Variants in GLG1 observed in about 807,000 individuals in gnomAD.
GLG1 encodes Golgi apparatus protein 1.
In GLG1, 38 loss-of-function variants were observed where a neutral mutation model predicts 160.5. The ratio of observed to expected loss-of-function variants is 0.24; its 90% CI spans 0.18 to 0.31. GLG1 has a LOEUF of 0.31. Among genes scored for constraint, GLG1 ranks in the 10% least tolerant of loss-of-function variants. The probability of loss-of-function intolerance (pLI) is 1.00; values close to 1 mark genes in which losing one functional copy is unlikely to be tolerated. For synonymous variants in GLG1, 644 were observed against 543.4 expected (o/e 1.19, Z -2.57); for missense variants, 1,373 against 1,505.2 (o/e 0.91, Z 1.45).
intron 2 of GLG1, 152 bp downstream of exon 2, chr16:74,531,969 T>A: frequency 2.6e-6 from 1 of 391,732 alleles, no homozygotes; most frequent in East Asian, 3.7e-5. Context: ...GGTTATTTGT[T>A]GATTTTACCA....
intron 1 of GLG1, among the ~76,000 whole-genome samples, chr16:74,599,264 G>A (rs1281041863): frequency 1.3e-5 from 2 of 152,102 alleles, no homozygotes; most frequent in Non-Finnish European, 2.9e-5. Context: ...TCATGACCTG[G>A]ACTGAAAACA....
chr16:74,474,166 C>G (rs986859263), intron 13 of GLG1: 5 of 161,324 alleles, frequency 3.1e-5, no homozygotes, highest in African/African-American at 1.2e-4. Flanking sequence ...GTTTGGCAAG[C>G]TGGTCTCGAA....
chr16:74,499,366 A>G (rs4506928), intron 4 of GLG1, among the ~76,000 whole-genome samples: 143,490 of 152,254 alleles, frequency 0.94, 67,837 homozygotes, highest in East Asian at 1. Flanking sequence ...TCAGCCTCCC[A>G]AGCAGCTGGG....
chr16:74,562,029 T>C (rs1442042922), intron 1 of GLG1, among the ~76,000 whole-genome samples: 1 of 152,240 alleles, frequency 6.6e-6, no homozygotes, highest in East Asian at 1.9e-4. Flanking sequence ...TTCATTCAAC[T>C]GTCATTTTCA....
chr16:74,544,531 G>C (rs1232442050), intron 1 of GLG1, among the ~76,000 whole-genome samples: 3 of 151,666 alleles, frequency 2.0e-5, no homozygotes, highest in Admixed American at 6.6e-5. Context: ...TTTTGAAATG[G>C]AGTCTCACTC....
At chr16:74,559,844 A>C in intron 1 of GLG1, among the ~76,000 whole-genome samples, 1 of 152,206 alleles carries the variant, frequency 6.6e-6, no homozygotes, top group East Asian at 1.9e-4. Context: ...CCTAAAACAT[A>C]ATTTTATTTT....
rs1008450255 is a variant in GLG1, at chr16:74,486,033, T to C, written c.1450-116A>G. The C allele has an allele frequency of 2.1e-5, 15 of 713,604 alleles. No homozygotes were observed. The African/African-American group carries it at 2.2e-4, about 10-fold the overall frequency. The allele number at this position is 713,604 out of a possible 1,614,324, so 44.2% of individuals were successfully genotyped here. On this transcript the variant is annotated intron_variant, in intron 8 of 25. Coordinates refer to ENST00000422840, the MANE Select transcript of GLG1 (RefSeq NM_001145667.2). ...TTTACCACAATGTACTCCAATAAAGTTGTCTACAGTTGTCACTAGCCAAGC... is the reference window on the plus strand; with the variant it reads ...TTTACCACAATGTACTCCAATAAAGCTGTCTACAGTTGTCACTAGCCAAGC...
At chr16:74,535,812 T>C (rs899048601) in intron 1 of GLG1, among the ~76,000 whole-genome samples, 1 of 152,182 alleles carries the variant, frequency 6.6e-6, no homozygotes, top group African/African-American at 2.4e-5. Context: ...GTTATGATGT[T>C]AGGTCTTTGA....
At chr16:74,477,856 C>G (rs898066352) in intron 11 of GLG1, among the ~76,000 whole-genome samples, 1 of 151,962 alleles carries the variant, frequency 6.6e-6, no homozygotes, top group Non-Finnish European at 1.5e-5. Flanking sequence ...GCCTGTAATC[C>G]TAGCTACTCG....
intron 1 of GLG1, among the ~76,000 whole-genome samples, chr16:74,545,517 G>A (rs540073011): frequency 3.3e-5 from 5 of 152,320 alleles, no homozygotes; most frequent in African/African-American, 9.6e-5. Flanking sequence ...AGAAAAGTAT[G>A]TGTGGAATTT....
intron 1 of GLG1, among the ~76,000 whole-genome samples, chr16:74,595,965 A>T (rs573556429): frequency 1.3e-5 from 2 of 151,790 alleles, no homozygotes; most frequent in South Asian, 4.2e-4. Context: ...CTCTATTAAA[A>T]ATATAAAATT....
intron 2 of GLG1, among the ~76,000 whole-genome samples, chr16:74,515,727 T>C (rs2016957514): frequency 6.6e-6 from 1 of 151,648 alleles, no homozygotes; most frequent in Non-Finnish European, 1.5e-5. Flanking sequence ...AGGGGCTAAA[T>C]GCTCCAATTA....
intron 1 of GLG1, among the ~76,000 whole-genome samples, chr16:74,579,594 C>T (rs542563428): frequency 6.6e-6 from 1 of 152,022 alleles, no homozygotes; most frequent in South Asian, 2.1e-4. Flanking sequence ...TAGTGGCACA[C>T]ACCTGTAGTC....
chr16:74,530,914 T>C (rs376407015), intron 2 of GLG1, among the ~76,000 whole-genome samples: 69 of 152,370 alleles, frequency 4.5e-4, no homozygotes, highest in African/African-American at 1.7e-3. Flanking sequence ...GACACCTTTT[T>C]CTTTTCCTGT....
In GLG1 at chr16:74,460,689, T is replaced by G. The variant is rs370207179; in HGVS notation, c.3037-900A>C. ...GGGGTTTCGTGCCCCTCCTCCTATA[T>G]TGGATGCCAGGCTTCATTCTTCACA... On this transcript the variant is annotated intron_variant, in intron 22 of 25. Transcript: ENST00000422840. Among the ~76,000 whole-genome samples, 52 of 152,282 alleles carry G rather than the reference T, an allele frequency of 3.4e-4. No homozygotes were observed. In the East Asian group the frequency reaches 7.9e-3, roughly 23 times the overall value.
chr16:74,538,776 G>C (rs1240035629), intron 1 of GLG1, among the ~76,000 whole-genome samples: 1 of 147,734 alleles, frequency 6.8e-6, no homozygotes, highest in Non-Finnish European at 1.5e-5. Context: ...ACAGAAGCTG[G>C]CTCTCAAGTG....
rs1007201678 is a variant in GLG1 at position 74,502,973 on chromosome 16, G to A, written c.774+558C>T. ...TGTAATCCCAGCACTTTCGGAGGCC[G>A]AGGCGGGCAGATCACTTGAGGTCAG... On this transcript the variant is annotated intron_variant, in intron 4 of 25. Transcript: ENST00000422840. 4.6e-5 allele frequency among the ~76,000 whole-genome samples: 7 copies of A among 151,736 alleles called. No individual in the cohort carries two copies. In the East Asian group the frequency reaches 1.4e-3, roughly 30 times the overall value.
At chr16:74,454,674 A>C (rs1365696667) in intron 25 of GLG1, among the ~76,000 whole-genome samples, 3 of 133,694 alleles carry the variant, frequency 2.2e-5, no homozygotes, top group Admixed American at 7.1e-5. Context: ...CCCAAAAAAA[A>C]AAAAAAAAAA....
intron 8 of GLG1, among the ~76,000 whole-genome samples, chr16:74,487,144 G>C (rs898268935): frequency 2.6e-5 from 4 of 152,108 alleles, no homozygotes; most frequent in Non-Finnish European, 5.9e-5. Context: ...GAACTCAAGT[G>C]ATCCGCCCAC....
Sources: gnomAD v4.1 joint callset for allele counts (sites outside exome capture counted in the v4.1 genomes callset) on GRCh38, gnomAD v4.1.1 for gene constraint, MANE v1.5 for transcripts, NCBI Gene and HGNC (gene_info 2026-07-23, HGNC 2026-07-21) for gene names.